The following FBXL17 variants were observed in gnomAD, a reference collection of about 807,000 sequenced individuals.
The protein encoded by FBXL17 is F-box and leucine rich repeat protein 17.
Under a neutral mutation model 66.2 loss-of-function variants are expected in FBXL17, and 22 were observed. That is an observed-to-expected ratio of 0.33 (90% CI 0.24 to 0.47). The LOEUF (loss-of-function observed/expected upper bound fraction) is 0.47. Ranked by LOEUF, FBXL17 falls within the 20% of genes least tolerant of loss-of-function variation. The pLI is 1.00. For synonymous variants in FBXL17, 474 were observed against 400.5 expected (o/e 1.18, Z -2.19); for missense variants, 878 against 948.2 (o/e 0.93, Z 0.97).
intron 6 of FBXL17, among the ~76,000 whole-genome samples, chr5:108,054,054 G>A (rs1363712714): frequency 6.6e-6 from 1 of 151,958 alleles, no homozygotes; most frequent in Non-Finnish European, 1.5e-5. Context: ...AAGTGGGTGT[G>A]GAACAATGAG....
chr5:108,043,998 A>C (rs760541792), intron 6 of FBXL17, among the ~76,000 whole-genome samples: 6 of 152,202 alleles, frequency 3.9e-5, no homozygotes, highest in Non-Finnish European at 7.4e-5. Context: ...CCACATGCTC[A>C]TTGCTAGTAT....
At chr5:108,090,206 G>A (rs1749137516) in intron 6 of FBXL17, among the ~76,000 whole-genome samples, 1 of 152,166 alleles carries the variant, frequency 6.6e-6, no homozygotes, top group Non-Finnish European at 1.5e-5. Flanking sequence ...AATAATCTGA[G>A]TAGATAAAAT....
intron 7 of FBXL17, among the ~76,000 whole-genome samples, chr5:107,901,656 G>T (rs1277248590): frequency 7.9e-5 from 12 of 152,276 alleles, no homozygotes; most frequent in African/African-American, 2.9e-4. Flanking sequence ...CTCCCTTTCT[G>T]TATCTGCCAC....
chr5:107,928,261 A>G (rs1750600877), intron 7 of FBXL17, among the ~76,000 whole-genome samples: 1 of 152,090 alleles, frequency 6.6e-6, no homozygotes, highest in Non-Finnish European at 1.5e-5. Flanking sequence ...TTAAAGAGGC[A>G]GTGAGAAAAA....
intron 6 of FBXL17, among the ~76,000 whole-genome samples, chr5:108,059,595 C>T (rs1269099855): frequency 1.3e-5 from 2 of 152,118 alleles, no homozygotes; most frequent in African/African-American, 2.4e-5. Context: ...TGCAGGAGAC[C>T]GCCTCAGGAT....
intron 4 of FBXL17, among the ~76,000 whole-genome samples, chr5:108,227,114 C>G (rs1179362645): frequency 6.6e-6 from 1 of 152,126 alleles, no homozygotes; most frequent in African/African-American, 2.4e-5. Flanking sequence ...AGAACCATGA[C>G]TAATACCTTG....
rs1326749758 is a variant in FBXL17, at chr5:108,381,618, C to T, written c.74G>A (p.Arg25His). 11 of 1,487,380 alleles carry T rather than the reference C, an allele frequency of 7.4e-6. No homozygotes were observed. The South Asian group carries it at 1.1e-4, about 15-fold the overall frequency. The allele number at this position is 1,487,380 out of a possible 1,614,324, so 92.1% of individuals were successfully genotyped here. ...QKRPRCCSWCRRRRPLLRLPR... is the reference protein window; with the variant it reads ...QKRPRCCSWCHRRRPLLRLPR... ...CAGCCTGAGGAGAGGGCGCCGGCGG[C>T]GGCACCAACTGCAACAGCGAGGCCT... The change falls in exon 1 of 9, where the codon CGC becomes CAC. Residue 25 changes from arginine (R) to histidine (H), a missense_variant. This residue lies in a region of FBXL17 where 605 missense variants were observed against 509.5 expected (regional missense o/e 1.19). Transcript: ENST00000542267.
At chr5:108,006,406 T>C (rs1288952215) in intron 7 of FBXL17, among the ~76,000 whole-genome samples, 2 of 152,142 alleles carry the variant, frequency 1.3e-5, no homozygotes, top group Non-Finnish European at 2.9e-5. Context: ...ATGGATGTGA[T>C]GAAAGGTAGA....
At chr5:107,987,013 C>G (rs1580289430) in intron 7 of FBXL17, among the ~76,000 whole-genome samples, 1 of 151,742 alleles carries the variant, frequency 6.6e-6, no homozygotes. Flanking sequence ...CACGAATAAA[C>G]TCAGGACAAA....
intron 7 of FBXL17, among the ~76,000 whole-genome samples, chr5:107,980,113 C>T (rs551018482): frequency 6.6e-6 from 1 of 152,132 alleles, no homozygotes; most frequent in African/African-American, 2.4e-5. Context: ...AGACCTTAAA[C>T]TGCATTATCA....
At chr5:108,309,056 G>A (rs1369905299) in intron 4 of FBXL17, among the ~76,000 whole-genome samples, 1 of 151,766 alleles carries the variant, frequency 6.6e-6, no homozygotes, top group African/African-American at 2.4e-5. Flanking sequence ...ATTATTACAG[G>A]GATACTTATA....
At chr5:107,933,882 G>A (rs1011255151) in intron 7 of FBXL17, among the ~76,000 whole-genome samples, 1 of 152,184 alleles carries the variant, frequency 6.6e-6, no homozygotes. Context: ...GAAAGGATGT[G>A]AACTCATATC....
At chr5:108,085,988 T>C (rs1401419471) in intron 6 of FBXL17, among the ~76,000 whole-genome samples, 1 of 152,172 alleles carries the variant, frequency 6.6e-6, no homozygotes, top group African/African-American at 2.4e-5. Context: ...TTTCTGACTT[T>C]CTTCCCTTCT....
intron 4 of FBXL17, among the ~76,000 whole-genome samples, chr5:108,314,309 G>T (rs1438370229): frequency 6.6e-6 from 1 of 151,560 alleles, no homozygotes; most frequent in African/African-American, 2.4e-5. Context: ...TCTTCACATT[G>T]TTGGCCAATA....
At chr5:107,905,668 T>C (rs571402405) in intron 7 of FBXL17, among the ~76,000 whole-genome samples, 2 of 152,206 alleles carry the variant, frequency 1.3e-5, no homozygotes, top group Non-Finnish European at 2.9e-5. Context: ...GCTATGTGCA[T>C]GTATGTATAT....
At chr5:108,289,636 G>C (rs763181512) in intron 4 of FBXL17, among the ~76,000 whole-genome samples, 4 of 152,120 alleles carry the variant, frequency 2.6e-5, no homozygotes, top group Non-Finnish European at 4.4e-5. Flanking sequence ...GAAGCAGAGA[G>C]GAAACAGGCA....
At chr5:108,329,897 G>T (rs1760039389) in intron 4 of FBXL17, among the ~76,000 whole-genome samples, 1 of 151,992 alleles carries the variant, frequency 6.6e-6, no homozygotes, top group African/African-American at 2.4e-5. Flanking sequence ...TCCCCAGCAA[G>T]CACTTAGATA....
chr5:107,929,578 A>T (rs1245312488), intron 7 of FBXL17, among the ~76,000 whole-genome samples: 1 of 152,188 alleles, frequency 6.6e-6, no homozygotes, highest in Non-Finnish European at 1.5e-5. Flanking sequence ...TCTAAATCTA[A>T]AATGCTGATT....
chr5:108,187,433 T>C (rs12652018), intron 5 of FBXL17, among the ~76,000 whole-genome samples: 6,961 of 152,156 alleles, frequency 0.046, 790 homozygotes, highest in East Asian at 0.4. Context: ...GATGGGGAGA[T>C]TATCCCAGGT....
Sources: gnomAD v4.1 joint callset for allele counts (sites outside exome capture counted in the v4.1 genomes callset) on GRCh38, gnomAD v4.1.1 for gene constraint, gnomAD v4.1.1 regional missense constraint, MANE v1.5 for transcripts, NCBI Gene and HGNC (gene_info 2026-07-23, HGNC 2026-07-21) for gene names.